Variants in LEPR observed in about 807,000 individuals in gnomAD.
The protein encoded by LEPR is leptin receptor, also known as OB receptor.
LEPR carries 56 observed loss-of-function variants against 114.7 expected under a neutral mutation model. That is an observed-to-expected ratio of 0.49 (90% CI 0.39 to 0.61). The LOEUF is 0.61. Among genes scored for constraint, LEPR ranks in the 20% least tolerant of loss-of-function variants. The pLI is 0.00. For synonymous variants in LEPR, 443 were observed against 461.4 expected, an observed-to-expected ratio of 0.96 and a Z score of 0.51; for missense variants, 1,202 against 1,352.9, an observed-to-expected ratio of 0.89 and a Z score of 1.75.
intron 19 of LEPR, 185 bp downstream of exon 19, chr1:65,623,166 C>T (rs1446120500): frequency 1.6e-6 from 1 of 617,114 alleles, no homozygotes; most frequent in African/African-American, 1.9e-5. Context: ...CAGGAAGAAA[C>T]AAATTTCAGC....
rs538482870 is a variant in LEPR, at chr1:65,636,849, C to T, written c.3332C>T (p.Thr1111Met). 8 of 1,611,990 alleles carry T rather than the reference C, an allele frequency of 5.0e-6. No individual in the cohort carries two copies. The highest frequency in any genetic ancestry group is 2.2e-5 in the East Asian group (1 of 44,868). ...SCPFPAPCLF[T>M]DIRVLQDSCS... ...CCATTCCCAGCCCCCTGTTTATTCA[C>T]GGACATCAGAGTTCTCCAGGACAGT... The change falls in exon 20 of 20, where the codon ACG becomes ATG. Residue 1111 changes from threonine (T) to methionine (M), a missense_variant. Thr to Met is a moderately conservative substitution (Grantham distance 81). Coordinates refer to ENST00000349533, the MANE Select transcript of LEPR (RefSeq NM_002303.6).
At chr1:65,434,681 C>T in intron 2 of LEPR, 1 of 985,420 alleles carries the variant, frequency 1.0e-6, no homozygotes, top group African/African-American at 1.7e-5. Context: ...CAAGGTCTTT[C>T]TCCTTTTAAT....
intron 2 of LEPR, chr1:65,432,513 C>A: frequency 1.4e-6 from 1 of 694,462 alleles, no homozygotes; most frequent in Non-Finnish European, 1.8e-6. Flanking sequence ...ACTTCCTTAT[C>A]TTTCCAGTGG....
Position 65,570,321 on chromosome 1 carries a change from T to C in LEPR, c.41-152T>C, listed in dbSNP as rs1654065081. The C allele has an allele frequency of 1.1e-5, 8 of 698,702 alleles. 1 individual carries two copies. The South Asian group carries it at 1.2e-4, about 10-fold the overall frequency. 43.3% of individuals were successfully genotyped at this position (698,702 alleles called of 1,614,324 possible). A position where few individuals can be genotyped will look rare whatever the true frequency, so the allele number is the denominator to read the frequency against. On this transcript the variant is annotated intron_variant, in intron 3 of 19. Transcript: ENST00000349533. ...CTCTTGAATGTAACACATTGTACAA[T>C]GGAAGCACAAAGTTATTCATTAGAC...
chr1:65,466,527 T>G (rs188065269), intron 2 of LEPR, among the ~76,000 whole-genome samples: 1 of 152,272 alleles, frequency 6.6e-6, no homozygotes, highest in African/African-American at 2.4e-5. Flanking sequence ...TGTTGAGGAG[T>G]ATCTTTATGG....
In LEPR at chr1:65,433,742, C is replaced by A. The variant is rs537115453; in HGVS notation, c.-21+8364C>A. The A allele has an allele frequency of 6.5e-6, 6 of 917,960 alleles. No homozygotes were observed. In the African/African-American group the frequency reaches 9.0e-5, roughly 14 times the overall value. 56.9% of individuals were successfully genotyped at this position (917,960 alleles called of 1,614,324 possible). Reference sequence around the variant, plus strand: ...TATTTAGATACTTTATAATTTTAACCGGCATTTTTAATAATGACACTTGCA... The same window carrying A: ...TATTTAGATACTTTATAATTTTAACAGGCATTTTTAATAATGACACTTGCA... On this transcript the variant is annotated intron_variant, in intron 2 of 19. Transcript: ENST00000349533.
chr1:65,536,812 T>C (rs1320353839), intron 2 of LEPR, among the ~76,000 whole-genome samples: 1 of 152,208 alleles, frequency 6.6e-6, no homozygotes, highest in East Asian at 1.9e-4. Context: ...TGCCTCACTA[T>C]TGTTTCTGGG....
intron 2 of LEPR, among the ~76,000 whole-genome samples, chr1:65,506,155 T>C (rs1052954020): frequency 6.6e-6 from 1 of 152,186 alleles, no homozygotes; most frequent in African/African-American, 2.4e-5. Context: ...GGGATTCAGC[T>C]ATCATTCACT....
At position 65,639,586 on chromosome 1, in the gene LEPR, C is replaced by T. The variant is rs1019054775; in HGVS notation, c.*2571C>T. 1 of 152,094 alleles carries T rather than the reference C, an allele frequency of 6.6e-6. No homozygotes were observed. Among genetic ancestry groups the T allele is most frequent in the African/African-American group, 2.4e-5 (1 of 41,416 alleles). 9.4% of individuals were successfully genotyped at this position (152,094 alleles called of 1,614,324 possible). A position where few individuals can be genotyped will look rare whatever the true frequency, so the allele number is the denominator to read the frequency against. Reference sequence around the variant, plus strand: ...AACTTCCCATTTCTTCCCACAGCTTCTATAAAAAAAATTTAAAAGGAAGGA... The same window carrying T: ...AACTTCCCATTTCTTCCCACAGCTTTTATAAAAAAAATTTAAAAGGAAGGA... On this transcript the variant is annotated 3_prime_UTR_variant, in exon 20 of 20. Transcript: ENST00000349533.
At chr1:65,546,292 C>G (rs1462416531) in intron 2 of LEPR, among the ~76,000 whole-genome samples, 1 of 152,170 alleles carries the variant, frequency 6.6e-6, no homozygotes, top group Admixed American at 6.5e-5. Context: ...GCGATGCGGG[C>G]TCTTTTTTGG....
intron 2 of LEPR, among the ~76,000 whole-genome samples, chr1:65,481,404 C>T (rs1236614775): frequency 6.6e-6 from 1 of 152,124 alleles, no homozygotes; most frequent in Admixed American, 6.6e-5. Flanking sequence ...AAATTAAATA[C>T]ACCAATAATA....
At chr1:65,527,907 T>C (rs1008077522) in intron 2 of LEPR, among the ~76,000 whole-genome samples, 3 of 152,154 alleles carry the variant, frequency 2.0e-5, no homozygotes, top group African/African-American at 7.2e-5. Context: ...TGCTAAGTCA[T>C]TTGGAAAACA....
At chr1:65,577,808 A>C (rs180722288) in intron 5 of LEPR, 1 of 149,164 alleles carries the variant, frequency 6.7e-6, no homozygotes, top group East Asian at 2.0e-4. Flanking sequence ...CCTTGAGCAC[A>C]TTCTTTTTTT....
intron 5 of LEPR, among the ~76,000 whole-genome samples, chr1:65,589,305 C>T (rs1299478700): frequency 1.3e-5 from 2 of 151,938 alleles, no homozygotes; most frequent in Admixed American, 1.3e-4. Flanking sequence ...ATTGTAGATA[C>T]CTTATGTATA....
chr1:65,425,223 C>A, intron 1 of LEPR, 80 bp from the exon 2 acceptor site: 2 of 1,192,314 alleles, frequency 1.7e-6, no homozygotes, highest in Non-Finnish European at 1.2e-6. Flanking sequence ...TATTAGAAGT[C>A]ACTCCCCATT....
chr1:65,539,761 C>T (rs1651050485), intron 2 of LEPR, among the ~76,000 whole-genome samples: 1 of 152,122 alleles, frequency 6.6e-6, no homozygotes, highest in Non-Finnish European at 1.5e-5. Context: ...GGCATTTGTG[C>T]CAGATTTTAG....
At chr1:65,566,896 A>G (rs886279029) in intron 3 of LEPR, among the ~76,000 whole-genome samples, 1 of 152,220 alleles carries the variant, frequency 6.6e-6, no homozygotes, top group Non-Finnish European at 1.5e-5. Context: ...CCAAAAAATT[A>G]TGCCACAAGG....
intron 8 of LEPR, among the ~76,000 whole-genome samples, chr1:65,601,092 G>C (rs1287390608): frequency 6.6e-6 from 1 of 151,842 alleles, no homozygotes; most frequent in East Asian, 1.9e-4. Context: ...TCACTTTCCT[G>C]CCTATCAGTT....
At chr1:65,635,589 G>A (rs1658690134) in intron 19 of LEPR, among the ~76,000 whole-genome samples, 1 of 151,998 alleles carries the variant, frequency 6.6e-6, no homozygotes, top group Non-Finnish European at 1.5e-5. Context: ...ATAGTCTCAA[G>A]CAGATTCTCA....
Sources: allele counts gnomAD v4.1 joint callset (sites outside exome capture counted in the v4.1 genomes callset), GRCh38; gene constraint gnomAD v4.1.1; transcripts MANE v1.5; gene names NCBI Gene and HGNC (gene_info 2026-07-23, HGNC 2026-07-21).